Variants in GALNT13 observed in about 807,000 individuals in gnomAD.
The protein encoded by GALNT13 is polypeptide N-acetylgalactosaminyltransferase 13.
In GALNT13, 28 loss-of-function variants were observed where a neutral mutation model predicts 64.2. The observed-to-expected ratio is 0.44, with a 90% confidence interval of 0.32 to 0.60. GALNT13 has a LOEUF of 0.60. GALNT13 is among the 20% of genes least tolerant of loss of function. GALNT13 has a pLI of 0.05. For synonymous variants in GALNT13, 214 were observed against 224.6 expected, an observed-to-expected ratio of 0.95 and a Z score of 0.42; for missense variants, 577 against 669.8, an observed-to-expected ratio of 0.86 and a Z score of 1.53.
chr2:153,798,296 C>A, the GALNT13 span, among the ~76,000 whole-genome samples: 1 of 152,044 alleles, frequency 6.6e-6, no homozygotes. Flanking sequence ...TATTTAGTTT[C>A]CAATTAAATA....
At chr2:153,977,576 CAT>C (rs1694165226) in intron 3 of GALNT13, among the ~76,000 whole-genome samples, 1 of 152,162 alleles carries the variant, frequency 6.6e-6, no homozygotes, top group Non-Finnish European at 1.5e-5. Context: ...CCTCCCACGA[CAT>C]GTGGGGATTA....
chr2:153,584,441 G>A, the GALNT13 span, among the ~76,000 whole-genome samples: 1 of 152,346 alleles, frequency 6.6e-6, no homozygotes, highest in Non-Finnish European at 1.5e-5. Context: ...TTACCTGCAA[G>A]TGCCATCTAC....
chr2:153,231,770 T>C, the GALNT13 span, among the ~76,000 whole-genome samples: 3 of 152,196 alleles, frequency 2.0e-5, no homozygotes, highest in Admixed American at 2.0e-4. Flanking sequence ...TATGATTTTC[T>C]TGAATTTCAA....
the GALNT13 span, among the ~76,000 whole-genome samples, chr2:153,487,045 G>A: frequency 2.0e-5 from 3 of 152,166 alleles, no homozygotes; most frequent in Admixed American, 1.3e-4. Context: ...GTTTCCATAG[G>A]ACAAGTGTGT....
At chr2:154,010,828 C>A (rs1696583087) in intron 3 of GALNT13, among the ~76,000 whole-genome samples, 1 of 151,738 alleles carries the variant, frequency 6.6e-6, no homozygotes, top group South Asian at 2.1e-4. Flanking sequence ...ATATATTTTT[C>A]AATGGAATAT....
At chr2:153,567,454 T>C in the GALNT13 span, among the ~76,000 whole-genome samples, 1 of 152,158 alleles carries the variant, frequency 6.6e-6, no homozygotes, top group Non-Finnish European at 1.5e-5. Flanking sequence ...AAAGGCCTGG[T>C]GAGGAGTGAG....
the GALNT13 span, among the ~76,000 whole-genome samples, chr2:153,332,844 A>G: frequency 6.6e-6 from 1 of 152,214 alleles, no homozygotes; most frequent in African/African-American, 2.4e-5. Flanking sequence ...GACAGCCCCA[A>G]TGTACCATGA....
At chr2:154,415,817 A>G (rs1424611342) in intron 11 of GALNT13, among the ~76,000 whole-genome samples, 1 of 152,168 alleles carries the variant, frequency 6.6e-6, no homozygotes, top group Non-Finnish European at 1.5e-5. Context: ...TAAAGTTTGC[A>G]TTTTTATAAG....
chr2:154,424,993 GT>G (rs1261719552), intron 11 of GALNT13, among the ~76,000 whole-genome samples: 1 of 152,164 alleles, frequency 6.6e-6, no homozygotes, highest in East Asian at 1.9e-4. Context: ...TGCAAGCATT[GT>G]GGTAATAATT....
At chr2:153,717,304 G>C in the GALNT13 span, among the ~76,000 whole-genome samples, 1 of 152,266 alleles carries the variant, frequency 6.6e-6, no homozygotes, top group African/African-American at 2.4e-5. Context: ...ATTCTGCAGG[G>C]ATTTCATTCC....
chr2:153,306,959 C>T, the GALNT13 span, among the ~76,000 whole-genome samples: 1 of 152,300 alleles, frequency 6.6e-6, no homozygotes, highest in Admixed American at 6.5e-5. Flanking sequence ...TGGTCTTGAA[C>T]GCCTGGCCTA....
the GALNT13 span, among the ~76,000 whole-genome samples, chr2:153,647,829 C>T: frequency 6.6e-6 from 1 of 152,114 alleles, no homozygotes; most frequent in Admixed American, 6.6e-5. Context: ...GTCTATATCT[C>T]TGTTTTGGTA....
At chr2:153,967,269 A>G (rs530672628) in intron 3 of GALNT13, among the ~76,000 whole-genome samples, 1 of 152,164 alleles carries the variant, frequency 6.6e-6, no homozygotes, top group East Asian at 1.9e-4. Flanking sequence ...ATGTTTTCCT[A>G]ATGTCCTTGA....
the GALNT13 span, among the ~76,000 whole-genome samples, chr2:153,496,993 C>CAAAAAAAAAAAAA: frequency 1.1e-5 from 1 of 90,892 alleles, no homozygotes; most frequent in Non-Finnish European, 2.3e-5. Flanking sequence ...GATTTTGTCT[C>CAAAAAAAAAAAAA]AAAAAAAAAA....
chr2:153,931,088 TG>T (rs1690484891), intron 2 of GALNT13, among the ~76,000 whole-genome samples: 5 of 151,298 alleles, frequency 3.3e-5, no homozygotes, highest in African/African-American at 9.7e-5. Context: ...TGTGTGTGTG[TG>T]TGTGTGTGTG....
At chr2:154,269,354 GT>G (rs1559058826) in intron 8 of GALNT13, among the ~76,000 whole-genome samples, 2 of 151,590 alleles carry the variant, frequency 1.3e-5, no homozygotes, top group African/African-American at 4.8e-5. Context: ...TTCTCTTAGA[GT>G]TCTTTGCCTT....
the GALNT13 span, among the ~76,000 whole-genome samples, chr2:153,424,537 C>T: frequency 6.6e-6 from 1 of 151,672 alleles, no homozygotes; most frequent in Non-Finnish European, 1.5e-5. Context: ...TGTTATATTC[C>T]ATTAAGGATA....
the GALNT13 span, among the ~76,000 whole-genome samples, chr2:153,677,185 G>A: frequency 6.6e-6 from 1 of 151,502 alleles, no homozygotes; most frequent in Non-Finnish European, 1.5e-5. Flanking sequence ...AAAGTTTCAG[G>A]TTACAAAATC....
chr2:153,883,491 G>A (rs1231574564), intron 1 of GALNT13, among the ~76,000 whole-genome samples: 1 of 151,944 alleles, frequency 6.6e-6, no homozygotes, highest in Admixed American at 6.6e-5. Flanking sequence ...GAAGACAAAC[G>A]TTATCTTCTT....
Sources: allele counts gnomAD v4.1 joint callset (sites outside exome capture counted in the v4.1 genomes callset), GRCh38; gene constraint gnomAD v4.1.1; transcripts MANE v1.5; gene names NCBI Gene and HGNC (gene_info 2026-07-23, HGNC 2026-07-21).